RBFOX1: variants seen among roughly 807,000 people sequenced by gnomAD.
RBFOX1 encodes the protein RNA binding protein fox-1 homolog 1.
RBFOX1 carries 8 observed loss-of-function variants against 57.7 expected under a neutral mutation model. The observed-to-expected ratio is 0.14, with a 90% confidence interval of 0.08 to 0.25. The LOEUF is 0.25. Among genes scored for constraint, RBFOX1 ranks in the 10% least tolerant of loss-of-function variants. The pLI is 1.00. For missense variants in RBFOX1, 611 were observed against 548.5 expected (o/e 1.11, Z -1.14); for synonymous variants, 326 against 222.4 (o/e 1.47, Z -4.15).
At chr16:6,872,594 A>G (rs1416162518) in intron 3 of RBFOX1, among the ~76,000 whole-genome samples, 2 of 152,124 alleles carry the variant, frequency 1.3e-5, no homozygotes, top group Non-Finnish European at 1.5e-5. Flanking sequence ...AACGGCAACA[A>G]AACACCCAAT....
intron 3 of RBFOX1, among the ~76,000 whole-genome samples, chr16:6,710,956 G>C (rs933212957): frequency 6.6e-6 from 1 of 152,202 alleles, no homozygotes; most frequent in Non-Finnish European, 1.5e-5. Flanking sequence ...TACATGTAAC[G>C]GGAGTGCAAT....
At chr16:6,995,206 T>C (rs887495871) in intron 3 of RBFOX1, among the ~76,000 whole-genome samples, 1 of 151,914 alleles carries the variant, frequency 6.6e-6, no homozygotes, top group East Asian at 1.9e-4. Context: ...GAATTGGATG[T>C]AATGTGATCA....
chr16:5,921,053 G>A (rs1567149583), intron 4 of RBFOX1, among the ~76,000 whole-genome samples: 1 of 152,150 alleles, frequency 6.6e-6, no homozygotes, highest in African/African-American at 2.4e-5. Context: ...CTGATGTGTT[G>A]GTGGGAATCT....
chr16:6,322,319 A>G (rs961656045), intron 2 of RBFOX1, among the ~76,000 whole-genome samples: 11 of 152,160 alleles, frequency 7.2e-5, no homozygotes, highest in African/African-American at 2.4e-4. Flanking sequence ...CTTACCTAAC[A>G]TTTTATCTTT....
intron 4 of RBFOX1, among the ~76,000 whole-genome samples, chr16:7,150,036 C>G (rs1348598507): frequency 6.6e-6 from 1 of 152,142 alleles, no homozygotes; most frequent in African/African-American, 2.4e-5. Flanking sequence ...GAGATTACAA[C>G]TCTTAGGGGA....
At chr16:5,569,167 T>C (rs1278734452) in intron 2 of RBFOX1, among the ~76,000 whole-genome samples, 1 of 152,272 alleles carries the variant, frequency 6.6e-6, no homozygotes, top group African/African-American at 2.4e-5. Flanking sequence ...GTTCTGTATG[T>C]GTCTTCACGT....
At chr16:7,265,890 C>T (rs2095110195) in intron 4 of RBFOX1, among the ~76,000 whole-genome samples, 2 of 149,116 alleles carry the variant, frequency 1.3e-5, no homozygotes, top group African/African-American at 5.0e-5. Flanking sequence ...CTGTTTAGAT[C>T]ATGGGAATGG....
At position 7,034,908 on chromosome 16, in the gene RBFOX1, G is replaced by T. The variant is rs946230055; in HGVS notation, c.-15-17149G>T. Among the ~76,000 whole-genome samples the T allele has an allele frequency of 4.8e-5, 6 of 125,892 alleles. No individual in the cohort carries two copies. In the Admixed American group the frequency reaches 5.6e-4, roughly 12 times the overall value. 82.6% of individuals were successfully genotyped at this position (125,892 alleles called of 152,430 possible). A position where few individuals can be genotyped will look rare whatever the true frequency, so the allele number is the denominator to read the frequency against. ...CTGTTGCCCAGGCTGGAGTGCAGTG[G>T]CGTGATCTCTGTTCACTGCAACCTC... On this transcript the variant is annotated intron_variant, in intron 3 of 15. Transcript: ENST00000550418.
chr16:6,951,865 C>G (rs971451459), intron 3 of RBFOX1, among the ~76,000 whole-genome samples: 2 of 152,014 alleles, frequency 1.3e-5, no homozygotes, highest in African/African-American at 4.8e-5. Flanking sequence ...TACTGAGTAG[C>G]TGGGATTACA....
intron 3 of RBFOX1, among the ~76,000 whole-genome samples, chr16:6,794,886 A>G (rs938523683): frequency 5.9e-5 from 9 of 152,122 alleles, no homozygotes; most frequent in Non-Finnish European, 1.3e-4. Flanking sequence ...AAATGGAGGG[A>G]AGGCCTCTGG....
At chr16:5,668,457 A>C (rs776766786) in intron 3 of RBFOX1, among the ~76,000 whole-genome samples, 10 of 152,342 alleles carry the variant, frequency 6.6e-5, no homozygotes, top group Admixed American at 4.6e-4. Context: ...CTGGTAGCCA[A>C]AATCATCAGA....
intron 1 of RBFOX1, among the ~76,000 whole-genome samples, chr16:5,363,066 CTG>C (rs2065600351): frequency 8.2e-6 from 1 of 122,232 alleles, no homozygotes; most frequent in Non-Finnish European, 1.6e-5. Context: ...TGGAGTATCT[CTG>C]TGTCACCTAG....
At chr16:7,313,836 G>T (rs899945776) in intron 4 of RBFOX1, among the ~76,000 whole-genome samples, 2 of 152,098 alleles carry the variant, frequency 1.3e-5, no homozygotes, top group Non-Finnish European at 2.9e-5. Context: ...TTAGAACCAC[G>T]ATTCTGCACC....
chr16:6,196,777 T>C (rs2097182640), intron 1 of RBFOX1, among the ~76,000 whole-genome samples: 2 of 152,140 alleles, frequency 1.3e-5, no homozygotes, highest in African/African-American at 2.4e-5. Context: ...TTATATATCA[T>C]GCTAATAATG....
At chr16:7,150,381 T>G (rs543326205) in intron 4 of RBFOX1, among the ~76,000 whole-genome samples, 1 of 152,164 alleles carries the variant, frequency 6.6e-6, no homozygotes, top group Non-Finnish European at 1.5e-5. Context: ...GATTTGAGAT[T>G]ATTTGAGAAC....
chr16:5,539,446 G>T (rs1389342236), intron 2 of RBFOX1, among the ~76,000 whole-genome samples: 3 of 147,780 alleles, frequency 2.0e-5, no homozygotes. Flanking sequence ...TACAAAATTA[G>T]CCGGGTGTAG....
chr16:7,506,604 T>TCATCAC (rs1555528647), intron 4 of RBFOX1, among the ~76,000 whole-genome samples: 6 of 151,592 alleles, frequency 4.0e-5, no homozygotes, highest in African/African-American at 1.5e-4. Context: ...ATCATCATCA[T>TCATCAC]CACCACCACC....
At chr16:7,216,214 G>A (rs2092015069) in intron 4 of RBFOX1, among the ~76,000 whole-genome samples, 1 of 152,068 alleles carries the variant, frequency 6.6e-6, no homozygotes, top group South Asian at 2.1e-4. Context: ...CCACTTATTG[G>A]CTATTGTGAA....
At chr16:7,136,055 T>C (rs1420556029) in intron 4 of RBFOX1, among the ~76,000 whole-genome samples, 1 of 152,194 alleles carries the variant, frequency 6.6e-6, no homozygotes, top group Non-Finnish European at 1.5e-5. Context: ...TGTTGGAGCA[T>C]ATTTGTAACT....
Sources: gnomAD v4.1 joint callset for allele counts (sites outside exome capture counted in the v4.1 genomes callset) on GRCh38, gnomAD v4.1.1 for gene constraint, MANE v1.5 for transcripts, NCBI Gene and HGNC (gene_info 2026-07-23, HGNC 2026-07-21) for gene names.